PCDH15: variants seen among roughly 807,000 people sequenced by gnomAD.
PCDH15 encodes protocadherin-15.
In PCDH15, 129 loss-of-function variants were observed where a neutral mutation model predicts 178.5. That is an observed-to-expected ratio of 0.72 (90% CI 0.63 to 0.84). The LOEUF (loss-of-function observed/expected upper bound fraction) is 0.84, where lower values mean the gene tolerates loss of function less well. Ranked by LOEUF, PCDH15 falls within the 40% of genes least tolerant of loss-of-function variation. The pLI is 0.00. For synonymous variants in PCDH15, 800 were observed against 732.0 expected (o/e 1.09, Z -1.50); for missense variants, 2,230 against 2,099.9 (o/e 1.06, Z -1.21).
chr10:54,489,863 T>G (rs577896562), intron 3 of PCDH15, among the ~76,000 whole-genome samples: 2 of 152,204 alleles, frequency 1.3e-5, no homozygotes, highest in Admixed American at 6.5e-5. Flanking sequence ...CTTGCTTGCT[T>G]GCTTGCTTGA....
At chr10:55,086,469 T>C (rs891342514) in intron 2 of PCDH15, among the ~76,000 whole-genome samples, 4 of 152,062 alleles carry the variant, frequency 2.6e-5, no homozygotes, top group African/African-American at 9.7e-5. Context: ...TCTGTTTTAC[T>C]TTTATGTTTG....
chr10:54,380,230 T>C (rs867813493), intron 3 of PCDH15, among the ~76,000 whole-genome samples: 3 of 152,030 alleles, frequency 2.0e-5, no homozygotes, highest in Non-Finnish European at 4.4e-5. Flanking sequence ...ACACATACTT[T>C]TGTAAATGGC....
At chr10:54,832,480 G>C (rs1953240860) in intron 3 of PCDH15, among the ~76,000 whole-genome samples, 1 of 152,166 alleles carries the variant, frequency 6.6e-6, no homozygotes, top group African/African-American at 2.4e-5. Flanking sequence ...CAATATAACT[G>C]TATTATGAAA....
intron 7 of PCDH15, among the ~76,000 whole-genome samples, chr10:54,328,474 A>C (rs1002463069): frequency 3.3e-5 from 5 of 151,992 alleles, no homozygotes; most frequent in African/African-American, 1.2e-4. Context: ...CAGTCTCAGG[A>C]TATGAACTAT....
At chr10:54,027,602 A>C (rs2093147286) in intron 18 of PCDH15, among the ~76,000 whole-genome samples, 3 of 148,340 alleles carry the variant, frequency 2.0e-5, no homozygotes, top group African/African-American at 7.6e-5. Context: ...GATATAGATC[A>C]ATGGAACAGA....
chr10:54,201,448 G>T (rs563500670), intron 10 of PCDH15, among the ~76,000 whole-genome samples: 3 of 151,622 alleles, frequency 2.0e-5, no homozygotes, highest in South Asian at 2.1e-4. Context: ...TAATCATATT[G>T]CTTGTATAGT....
intron 3 of PCDH15, among the ~76,000 whole-genome samples, chr10:54,523,373 T>C (rs114534325): frequency 0.045 from 6,815 of 152,226 alleles, 371 homozygotes; most frequent in African/African-American, 0.13. Context: ...AAATTTTATA[T>C]TGAGTATACT....
chr10:55,179,782 G>T (rs185126310), intron 1 of PCDH15, among the ~76,000 whole-genome samples: 1 of 151,856 alleles, frequency 6.6e-6, no homozygotes, highest in African/African-American at 2.4e-5. Flanking sequence ...CTGATCTGCA[G>T]GTGGCAGGAG....
intron 2 of PCDH15, among the ~76,000 whole-genome samples, chr10:55,102,216 A>G (rs908987500): frequency 6.6e-6 from 1 of 151,588 alleles, no homozygotes; most frequent in Admixed American, 6.6e-5. Flanking sequence ...TCTGAATTTG[A>G]GGTTTTCTCT....
intron 1 of PCDH15, among the ~76,000 whole-genome samples, chr10:55,252,170 A>G (rs1841855029): frequency 6.6e-6 from 1 of 152,182 alleles, no homozygotes; most frequent in South Asian, 2.1e-4. Flanking sequence ...ACTTGGTAGC[A>G]TTTCCTCTCC....
At chr10:54,657,909 G>A (rs2094435452) in intron 2 of PCDH15, among the ~76,000 whole-genome samples, 1 of 152,020 alleles carries the variant, frequency 6.6e-6, no homozygotes, top group Non-Finnish European at 1.5e-5. Context: ...AGAGTGCAAG[G>A]AATTTCAATC....
chr10:54,961,820 TG>T (rs972172035), intron 2 of PCDH15, among the ~76,000 whole-genome samples: 1 of 152,058 alleles, frequency 6.6e-6, no homozygotes, highest in African/African-American at 2.4e-5. Flanking sequence ...GAGGTACCTT[TG>T]GGTCTCCTCT....
chr10:54,071,476 AT>A lies in PCDH15; in HGVS notation c.2092-4592del, dbSNP rs573263522. Among the ~76,000 whole-genome samples the A allele has an allele frequency of 9.1e-3, 1,385 of 152,212 alleles. 17 individuals are homozygous for A. Among genetic ancestry groups the A allele is most frequent in the African/African-American group, 0.032 (1,317 of 41,552 alleles). On this transcript the variant is annotated intron_variant, in intron 17 of 37. Coordinates refer to ENST00000644397, the MANE Select transcript of PCDH15 (RefSeq NM_001384140.1). ...TTTTTATTTAATCACAAAAAAATGC[AT>A]TTTTTTATCATTTAATTTTTACATC...
At position 54,185,130 on chromosome 10, in the gene PCDH15, T is replaced by C. The variant is rs757012174; in HGVS notation, c.1440+4A>G. 3 of 1,613,324 alleles carry C rather than the reference T, an allele frequency of 1.9e-6. No individual in the cohort carries two copies. The highest frequency in any genetic ancestry group is 2.5e-6 in the Non-Finnish European group (3 of 1,179,420). On this transcript the variant is annotated splice_donor_region_variant and intron_variant, in intron 12 of 37. Coordinates refer to ENST00000644397, the MANE Select transcript of PCDH15 (RefSeq NM_001384140.1). ...ATATGTATATTTACACAAAAGCTCT[T>C]TACCGAAAAGGTGTAAGTTTGCTGT...
At chr10:54,775,388 G>A (rs1566204804) in intron 1 of PCDH15, among the ~76,000 whole-genome samples, 1 of 152,106 alleles carries the variant, frequency 6.6e-6, no homozygotes, top group Non-Finnish European at 1.5e-5. Flanking sequence ...TGTTTATGGA[G>A]TACATAGTGA....
chr10:54,208,712 T>C (rs1398513964), intron 10 of PCDH15, among the ~76,000 whole-genome samples: 1 of 152,000 alleles, frequency 6.6e-6, no homozygotes, highest in Non-Finnish European at 1.5e-5. Context: ...AACTGACTAG[T>C]ACGTGTCTGT....
intron 2 of PCDH15, among the ~76,000 whole-genome samples, chr10:55,129,907 T>A (rs74136356): frequency 3.6e-3 from 551 of 152,238 alleles, no homozygotes; most frequent in African/African-American, 0.011. Context: ...TAATATACAA[T>A]AAATGTGAGG....
chr10:54,820,328 G>C (rs985091468), intron 3 of PCDH15, among the ~76,000 whole-genome samples: 2 of 151,936 alleles, frequency 1.3e-5, no homozygotes, highest in African/African-American at 4.8e-5. Context: ...TCGTTTTTTA[G>C]AGTACATTGA....
chr10:54,216,356 T>A (rs1005308287), intron 9 of PCDH15, among the ~76,000 whole-genome samples: 7 of 151,980 alleles, frequency 4.6e-5, no homozygotes, highest in Admixed American at 2.0e-4. Flanking sequence ...CTCGGGAGGC[T>A]GAGAAAGGAG....
Sources: allele counts gnomAD v4.1 joint callset (sites outside exome capture counted in the v4.1 genomes callset), GRCh38; gene constraint gnomAD v4.1.1; transcripts MANE v1.5; gene names NCBI Gene and HGNC (gene_info 2026-07-23, HGNC 2026-07-21).